The following TRIP10 variants were observed in gnomAD, a reference collection of about 807,000 sequenced individuals.
TRIP10 encodes thyroid hormone receptor interactor 10, also known as cdc42-interacting protein 4.
In TRIP10, 54 loss-of-function variants were observed where a neutral mutation model predicts 80.9. The observed-to-expected ratio is 0.67, with a 90% CI of 0.54 to 0.84. The LOEUF (loss-of-function observed/expected upper bound fraction) is 0.84, where lower values mean the gene tolerates loss of function less well. Ranked by LOEUF, TRIP10 falls within the 40% of genes least tolerant of loss-of-function variation. The pLI, the probability that TRIP10 is intolerant of heterozygous loss-of-function variation, is 0.00. For synonymous variants in TRIP10, 321 were observed against 307.2 expected (o/e 1.04, Z -0.47); for missense variants, 773 against 815.3 (o/e 0.95, Z 0.63).
rs777997852 is a variant in TRIP10 at position 6,746,505 on chromosome 19, G to A, written c.1206G>A (p.Arg402=). The change falls in exon 11 of 15, where the codon CGG becomes CGA. Residue 402 remains arginine, a synonymous_variant. Transcript: ENST00000313244. This position sits in a 1 kb window ranked among gnomAD's most constrained non-coding sequence, Gnocchi z 6.2. ...TGCCCCCAGAGCAGCAGCGAAAACG[G>A]CTTCAACAGCAGTTGGAAGAACGCA... The part of the protein sequence containing the change: ...SHLPPEQQRK[R]LQQQLEERSR... The A allele has an allele frequency of 1.2e-6, 2 of 1,614,162 alleles. No individual in the cohort carries two copies. The highest frequency in any genetic ancestry group is 4.5e-5 in the East Asian group (2 of 44,888).
rs1216997659 is a variant in TRIP10, at chr19:6,740,998, G to A, written c.25-12G>A. On this transcript the variant is annotated splice_polypyrimidine_tract_variant and intron_variant, in intron 1 of 14. Transcript: ENST00000313244. ...CCCCTCTCCCCTCCTCCCCCACCAT[G>A]TCCCATGTCAGGATCAGTTCGAGGT... The A allele has an allele frequency of 6.2e-7, 1 of 1,600,834 alleles. No individual in the cohort carries two copies. The highest frequency in any genetic ancestry group is 1.7e-5 in the Admixed American group (1 of 59,922).
At position 6,742,187 on chromosome 19, in the gene TRIP10, C is replaced by T. The variant is rs906077634; in HGVS notation, c.198-780C>T. Among the ~76,000 whole-genome samples the T allele has an allele frequency of 5.3e-5, 8 of 151,096 alleles. No homozygotes were observed. The East Asian group carries it at 7.9e-4, about 15-fold the overall frequency. ...GGTGGATCACTTGAGGTCAGGAGTT[C>T]GAGAGCAGCCTGGTCAACATGGTGA... On this transcript the variant is annotated intron_variant, in intron 3 of 14. Coordinates refer to ENST00000313244, the MANE Select transcript of TRIP10 (RefSeq NM_001288962.2).
intron 14 of TRIP10, 69 bp from the exon 15 acceptor site, chr19:6,750,994 A>C: frequency 2.1e-6 from 3 of 1,449,528 alleles, no homozygotes; most frequent in Non-Finnish European, 1.8e-6. Context: ...GCTCTGTCTC[A>C]AAAATAAAAA....
Position 6,744,599 on chromosome 19 carries a change from G to T in TRIP10, c.688G>T (p.Gly230Trp). 6.2e-7 allele frequency: 1 copy of T among 1,614,166 alleles called. No individual in the cohort carries two copies. The highest frequency in any genetic ancestry group is 8.5e-7 in the Non-Finnish European group (1 of 1,180,022). The change falls in exon 8 of 15, where the codon GGG (glycine) becomes TGG (tryptophan). Residue 230 changes from glycine (G) to tryptophan (W), a missense_variant. Gly to Trp is a radical substitution (Grantham distance 184). Coordinates refer to ENST00000313244, the MANE Select transcript of TRIP10 (RefSeq NM_001288962.2). This position sits in a 1 kb window ranked among gnomAD's most constrained non-coding sequence, Gnocchi z 4.9. ...DERRATRLGAGYGLLSEAELE... is the reference protein window; with the variant it reads ...DERRATRLGAWYGLLSEAELE... ...ACGCAGGGCCACCCGCCTGGGTGCC[G>T]GGTATGGGCTCCTGTCGGAGGCCGA...
At position 6,750,356 on chromosome 19, in the gene TRIP10, C is replaced by G; in HGVS notation, c.1460C>G (p.Ala487Gly). ...CGGGGAGACAGCCTGAGCCGGCACGCCCGGCCTCCCGACCCCCCCGCTAGC... is the reference window on the plus strand; with the variant it reads ...CGGGGAGACAGCCTGAGCCGGCACGGCCGGCCTCCCGACCCCCCCGCTAGC... ...SNRGDSLSRH[A>G]RPPDPPASAP... The change falls in exon 13 of 15, where the codon GCC (alanine) becomes GGC (glycine). Residue 487 changes from alanine (A) to glycine (G), a missense_variant. Transcript: ENST00000313244. 6.2e-7 allele frequency: 1 copy of G among 1,614,076 alleles called. No individual in the cohort carries two copies. Among genetic ancestry groups the G allele is most frequent in the Non-Finnish European group, 8.5e-7 (1 of 1,179,984 alleles).
At position 6,743,530 on chromosome 19, in the gene TRIP10, G is replaced by A. The variant is rs1968992272; in HGVS notation, c.445G>A (p.Glu149Lys). 2.5e-6 allele frequency: 4 copies of A among 1,610,026 alleles called. No homozygotes were observed. In the East Asian group the frequency reaches 8.9e-5, roughly 36 times the overall value. The change falls in exon 6 of 15, where the codon GAG (glutamate) becomes AAG (lysine). Residue 149 changes from glutamate (E) to lysine (K), a missense_variant. By Grantham distance (56) the Glu-to-Lys change is moderately conservative. Transcript: ENST00000313244. ...RKFERDCREA[E>K]KAAQTAERLD... is the part of the protein sequence containing the mutation. ...ATTTGAGCGGGACTGCCGGGAGGCA[G>A]AGAAGGCAGCCCAGACTGCTGAACG...
chr19:6,745,038 A>AAGTGGGGAC lies in TRIP10; in HGVS notation c.984+52_984+60dup. 1.3e-6 allele frequency: 2 copies of AAGTGGGGAC among 1,589,964 alleles called. No homozygotes were observed. Among genetic ancestry groups the AAGTGGGGAC allele is most frequent in the Non-Finnish European group, 1.7e-6 (2 of 1,168,782 alleles). The stretch of plus-strand genomic sequence containing the variant: ...GGGATGGTGGGGGAGAAGGACAGTG[A>AAGTGGGGAC]AGTGGGGACAGTGGGGCCCCTATTG... On this transcript the variant is annotated intron_variant, in intron 9 of 14. Transcript: ENST00000313244. The surrounding 1 kb of genome is among the most constrained non-coding windows in gnomAD (Gnocchi z 7.2).
intron 3 of TRIP10, 106 bp from the exon 4 acceptor site, chr19:6,742,861 A>G: frequency 6.9e-7 from 1 of 1,451,508 alleles, no homozygotes; most frequent in South Asian, 1.3e-5. Flanking sequence ...CAGGGATTAC[A>G]TTCTTGGGGC....
intron 3 of TRIP10, 131 bp from the exon 4 acceptor site, chr19:6,742,836 A>C: frequency 1.5e-6 from 2 of 1,297,418 alleles, no homozygotes. Flanking sequence ...TATGGACCAG[A>C]ATTTGTCATC....
chr19:6,739,890 C>T (rs1599555358), intron 1 of TRIP10, 105 bp downstream of exon 1: 2 of 1,279,874 alleles, frequency 1.6e-6, no homozygotes, highest in East Asian at 2.9e-5. Flanking sequence ...TTCCCTTCCA[C>T]CGACCCCTGG....
At position 6,746,935 on chromosome 19, in the gene TRIP10, C is replaced by T. The variant is rs1428499049; in HGVS notation, c.1262+374C>T. Among the ~76,000 whole-genome samples the T allele has an allele frequency of 6.6e-6, 1 of 152,170 alleles. No homozygotes were observed. The highest frequency in any genetic ancestry group is 1.5e-5 in the Non-Finnish European group (1 of 68,024). On this transcript the variant is annotated intron_variant, in intron 11 of 14. Coordinates refer to ENST00000313244, the MANE Select transcript of TRIP10 (RefSeq NM_001288962.2). The surrounding 1 kb of genome is among the most constrained non-coding windows in gnomAD (Gnocchi z 6.2). Reference sequence around the variant, plus strand: ...TGGGATTATAGGCATGAGCCACTGCCCGGGTCTGTAAATGAATGACATTTA... The same window carrying T: ...TGGGATTATAGGCATGAGCCACTGCTCGGGTCTGTAAATGAATGACATTTA...
In TRIP10 at chr19:6,750,020, C is replaced by T; in HGVS notation, c.1349C>T (p.Thr450Ile). Reference protein sequence around the residue: ...PASLEPQIAETLSNIERLKLE... With the variant: ...PASLEPQIAEILSNIERLKLE... ...AGCTTGGAGCCCCAGATCGCTGAAACCCTGAGCAACATTGAACGGCTGAAA... is the reference window on the plus strand; with the variant it reads ...AGCTTGGAGCCCCAGATCGCTGAAATCCTGAGCAACATTGAACGGCTGAAA... The change falls in exon 12 of 15, where the codon ACC becomes ATC. Residue 450 changes from threonine to isoleucine, a missense_variant. Coordinates refer to ENST00000313244, the MANE Select transcript of TRIP10 (RefSeq NM_001288962.2). 1.2e-6 allele frequency: 2 copies of T among 1,613,988 alleles called. No individual in the cohort carries two copies. Among genetic ancestry groups the T allele is most frequent in the Non-Finnish European group, 1.7e-6 (2 of 1,180,000 alleles).
chr19:6,747,176 T>C (rs1026166113), intron 11 of TRIP10, among the ~76,000 whole-genome samples: 21 of 152,064 alleles, frequency 1.4e-4, no homozygotes, highest in African/African-American at 4.8e-4. Context: ...ATAAAAAAAT[T>C]AGCTGGGTGT....
At chr19:6,751,015 T>C in intron 14 of TRIP10, 48 bp from the exon 15 acceptor site, 2 of 1,462,268 alleles carry the variant, frequency 1.4e-6, no homozygotes, top group Non-Finnish European at 1.8e-6. Context: ...ATAAAAATAA[T>C]AAATTTTGCC....
chr19:6,748,114 A>G (rs1020923096), intron 11 of TRIP10, among the ~76,000 whole-genome samples: 2 of 152,198 alleles, frequency 1.3e-5, no homozygotes, highest in Non-Finnish European at 2.9e-5. Context: ...ATGGTTATCT[A>G]TTTAATAGCT....
intron 12 of TRIP10, 53 bp downstream of exon 12, chr19:6,750,119 T>C (rs1168557848): frequency 1.1e-5 from 6 of 543,228 alleles, no homozygotes; most frequent in Non-Finnish European, 1.8e-5. Flanking sequence ...GCTGAGTCAC[T>C]GCTGGGTGGG....
Position 6,743,011 on chromosome 19 carries a change from A to G in TRIP10, c.242A>G (p.Asn81Ser). 1 of 1,614,144 alleles carries G rather than the reference A, an allele frequency of 6.2e-7. No individual in the cohort carries two copies. Among genetic ancestry groups the G allele is most frequent in the Non-Finnish European group, 8.5e-7 (1 of 1,180,024 alleles). The change falls in exon 4 of 15, where the codon AAT becomes AGT. Residue 81 changes from asparagine to serine, a missense_variant. Asn to Ser is a conservative substitution (Grantham distance 46). Coordinates refer to ENST00000313244, the MANE Select transcript of TRIP10 (RefSeq NM_001288962.2). ...QSFVQILQEV[N>S]DFAGQRELVA... ...TTCGTACAGATTCTCCAGGAGGTGAATGACTTTGCAGGCCAGCGGGAGCTG... is the reference window on the plus strand; with the variant it reads ...TTCGTACAGATTCTCCAGGAGGTGAGTGACTTTGCAGGCCAGCGGGAGCTG...
At chr19:6,750,223 C>A in intron 12 of TRIP10, 69 bp from the exon 13 acceptor site, 1 of 1,595,474 alleles carries the variant, frequency 6.3e-7, no homozygotes, top group Non-Finnish European at 8.6e-7. Flanking sequence ...TCTCAGGGAA[C>A]CTCTGGGTCC....
rs1969085966 is a variant in TRIP10, at chr19:6,745,401, A to G, written c.984+407A>G. ...TTTTTGGATTTTAATATACCTTAGC[A>G]CCCTTGGTTTATACCTTTGATTTAT... On this transcript the variant is annotated intron_variant, in intron 9 of 14. Coordinates refer to ENST00000313244, the MANE Select transcript of TRIP10 (RefSeq NM_001288962.2). This position sits in a 1 kb window ranked among gnomAD's most constrained non-coding sequence, Gnocchi z 7.2. Among the ~76,000 whole-genome samples, 1 of 151,668 alleles carries G rather than the reference A, an allele frequency of 6.6e-6. No individual in the cohort carries two copies. The highest frequency in any genetic ancestry group is 1.5e-5 in the Non-Finnish European group (1 of 67,898).
Sources: allele counts gnomAD v4.1 joint callset (sites outside exome capture counted in the v4.1 genomes callset), GRCh38; gene constraint gnomAD v4.1.1; non-coding constraint Gnocchi (gnomAD v3.1); transcripts MANE v1.5; gene names NCBI Gene and HGNC (gene_info 2026-07-23, HGNC 2026-07-21).